The following ATP11B variants were observed in gnomAD, a reference collection of about 807,000 sequenced individuals.
ATP11B encodes ATPase phospholipid transporting 11B (putative).
ATP11B carries 81 observed loss-of-function variants against 157.8 expected under a neutral mutation model. The ratio of observed to expected loss-of-function variants is 0.51; its 90% CI spans 0.43 to 0.62. The LOEUF (loss-of-function observed/expected upper bound fraction) is 0.62. ATP11B is among the 20% of genes least tolerant of loss of function. The probability of loss-of-function intolerance (pLI) is 0.00; values close to 1 mark genes in which losing one functional copy is unlikely to be tolerated. For synonymous variants in ATP11B, 451 were observed against 469.4 expected (o/e 0.96, Z 0.51); for missense variants, 1,165 against 1,402.2 (o/e 0.83, Z 2.70).
chr3:182,840,807 G>A (rs1718951274), intron 7 of ATP11B, among the ~76,000 whole-genome samples: 1 of 152,124 alleles, frequency 6.6e-6, no homozygotes. Context: ...GTCTGAGCCA[G>A]TACCATCTCC....
intron 12 of ATP11B, among the ~76,000 whole-genome samples, chr3:182,865,183 C>T (rs1721137074): frequency 6.6e-6 from 1 of 152,100 alleles, no homozygotes; most frequent in Non-Finnish European, 1.5e-5. Flanking sequence ...GCATTAATAC[C>T]AAATTCTCGT....
intron 29 of ATP11B, chr3:182,916,509 C>T: frequency 1.0e-6 from 1 of 985,224 alleles, no homozygotes; most frequent in Non-Finnish European, 1.2e-6. Flanking sequence ...TCAAAGAGAG[C>T]ATCATGGTGC....
At chr3:182,878,776 A>C in intron 19 of ATP11B, among the ~76,000 whole-genome samples, 1 of 152,152 alleles carries the variant, frequency 6.6e-6, no homozygotes, top group East Asian at 1.9e-4. Context: ...CTTGTTATGC[A>C]TATCGTGAAT....
intron 28 of ATP11B, among the ~76,000 whole-genome samples, chr3:182,911,280 C>CCCCCG (rs59801597): frequency 7.9e-6 from 1 of 126,128 alleles, no homozygotes; most frequent in Non-Finnish European, 1.6e-5. Flanking sequence ...TGCCCCCCCC[C>CCCCCG]GCTAAGTCCT....
At chr3:182,826,462 T>C (rs1717727384) in intron 2 of ATP11B, among the ~76,000 whole-genome samples, 1 of 152,184 alleles carries the variant, frequency 6.6e-6, no homozygotes, top group African/African-American at 2.4e-5. Flanking sequence ...ACTGAGATAC[T>C]CTGACAACTG....
At chr3:182,863,203 C>T (rs1720982905) in intron 12 of ATP11B, among the ~76,000 whole-genome samples, 1 of 152,042 alleles carries the variant, frequency 6.6e-6, no homozygotes, top group Non-Finnish European at 1.5e-5. Flanking sequence ...CGCGCCTGGC[C>T]AATCCATTTA....
chr3:182,917,951 TTAGAG>T, intron 29 of ATP11B, 67 bp from the exon 30 acceptor site: 1 of 1,584,050 alleles, frequency 6.3e-7, no homozygotes. Flanking sequence ...GTCCTAAGTT[TTAGAG>T]TAAATTTTTT....
intron 1 of ATP11B, among the ~76,000 whole-genome samples, chr3:182,813,716 T>G (rs1228370273): frequency 6.6e-6 from 1 of 152,118 alleles, no homozygotes; most frequent in Non-Finnish European, 1.5e-5. Context: ...TAGACATTTG[T>G]TTTTTATTAT....
chr3:182,867,249 G>C, intron 14 of ATP11B, 127 bp from the exon 15 acceptor site: 1 of 666,344 alleles, frequency 1.5e-6, no homozygotes, highest in Non-Finnish European at 2.5e-6. Flanking sequence ...AATATTAAAA[G>C]GAAATATTTT....
At chr3:182,890,209 G>A (rs1046650147) in intron 25 of ATP11B, among the ~76,000 whole-genome samples, 2 of 152,114 alleles carry the variant, frequency 1.3e-5, no homozygotes, top group African/African-American at 4.8e-5. Context: ...CCTCTCTTTC[G>A]GGGCTTAACT....
In ATP11B at chr3:182,896,657, AT is replaced by A. The variant is rs757993471; in HGVS notation, c.2983-41del. 3.3e-6 allele frequency: 5 copies of A among 1,509,264 alleles called. No individual in the cohort carries two copies. The East Asian group carries it at 1.1e-4, about 34-fold the overall frequency. The allele number at this position is 1,509,264 out of a possible 1,614,324, so 93.5% of individuals were successfully genotyped here. On this transcript the variant is annotated intron_variant, in intron 25 of 29. Transcript: ENST00000323116. ...AATGACTTTTTACCTGACATTTAAC[AT>A]TATGTTAACACGTAATGTAATAGTG...
At position 182,898,755 on chromosome 3, in the gene ATP11B, A is replaced by T. The variant is rs1405729665; in HGVS notation, c.3301A>T (p.Ser1101Cys). Residue 1101 changes from serine to cysteine, a missense_variant, in exon 28 of 30, where the codon AGT becomes TGT. Coordinates refer to ENST00000323116, the MANE Select transcript of ATP11B (RefSeq NM_014616.3). Reference sequence around the variant, plus strand: ...CTTTGACCGACACCTCCACCCTACAAGTACTGAAAAGGCACAGGTAACCAC... The same window carrying T: ...CTTTGACCGACACCTCCACCCTACATGTACTGAAAAGGCACAGGTAACCAC... ...KVFDRHLHPT[S>C]TEKAQLTETN... The T allele has an allele frequency of 6.4e-7, 1 of 1,550,784 alleles. No homozygotes were observed.
At chr3:182,804,445 C>T (rs907401487) in intron 1 of ATP11B, among the ~76,000 whole-genome samples, 2 of 152,012 alleles carry the variant, frequency 1.3e-5, no homozygotes, top group African/African-American at 4.8e-5. Context: ...CGGGGTTTCA[C>T]CATGGTCTTG....
intron 9 of ATP11B, among the ~76,000 whole-genome samples, chr3:182,845,831 A>G (rs951675443): frequency 6.6e-6 from 1 of 152,258 alleles, no homozygotes; most frequent in Middle Eastern, 3.2e-3. Flanking sequence ...ATAATATGGT[A>G]TCATGGTACA....
chr3:182,823,128 A>G (rs1415440334), intron 2 of ATP11B, among the ~76,000 whole-genome samples: 2 of 152,072 alleles, frequency 1.3e-5, no homozygotes, highest in Non-Finnish European at 2.9e-5. Flanking sequence ...ATTAGATCCC[A>G]TTTGTCAATT....
chr3:182,865,508 A>G lies in ATP11B; in HGVS notation c.1253A>G (p.Gln418Arg), dbSNP rs1721162119. The G allele has an allele frequency of 6.2e-7, 1 of 1,613,636 alleles. No homozygotes were observed. Among genetic ancestry groups the G allele is most frequent in the Non-Finnish European group, 8.5e-7 (1 of 1,179,748 alleles). The change falls in exon 13 of 30, where the codon CAG becomes CGG. Residue 418 changes from glutamine to arginine, a missense_variant. Gln to Arg is a conservative substitution (Grantham distance 43, BLOSUM62 1). Coordinates refer to ENST00000323116, the MANE Select transcript of ATP11B (RefSeq NM_014616.3). ...GGTACACTGACAGAAAATGAGATGC[A>G]GTTTCGGGAATGTTCAATTAATGGC... ...KTGTLTENEM[Q>R]FRECSINGMK...
intron 1 of ATP11B, among the ~76,000 whole-genome samples, chr3:182,817,282 TTTTG>T (rs1037134528): frequency 1.4e-4 from 21 of 152,136 alleles, no homozygotes; most frequent in South Asian, 4.1e-4. Flanking sequence ...CCGTTTTTTT[TTTTG>T]TTTGTTTGTT....
intron 25 of ATP11B, among the ~76,000 whole-genome samples, chr3:182,892,264 A>T (rs1723228128): frequency 6.6e-6 from 1 of 152,196 alleles, no homozygotes; most frequent in African/African-American, 2.4e-5. Context: ...CTGTTGGTCC[A>T]GCTCCCTCTT....
chr3:182,813,229 A>G (rs1216723967), intron 1 of ATP11B, among the ~76,000 whole-genome samples: 2 of 152,140 alleles, frequency 1.3e-5, no homozygotes, highest in Non-Finnish European at 2.9e-5. Context: ...TGAAGTATAT[A>G]CCCAGAAGTA....
Sources: allele counts gnomAD v4.1 joint callset (sites outside exome capture counted in the v4.1 genomes callset), GRCh38; gene constraint gnomAD v4.1.1; transcripts MANE v1.5; gene names NCBI Gene and HGNC (gene_info 2026-07-23, HGNC 2026-07-21).